Variants in PAK6 observed in about 807,000 individuals in gnomAD.
PAK6 encodes p21 (RAC1) activated kinase 6.
PAK6 carries 33 observed loss-of-function variants against 60.8 expected under a neutral mutation model. The ratio of observed to expected loss-of-function variants is 0.54; its 90% CI spans 0.41 to 0.73. PAK6 has a LOEUF of 0.73. PAK6 is among the 30% of genes least tolerant of loss of function. The pLI is 0.00. For missense variants in PAK6, 845 were observed against 904.1 expected (o/e 0.93, Z 0.84); for synonymous variants, 404 against 378.5 (o/e 1.07, Z -0.78).
At chr15:40,245,387 A>C (rs530622762) in intron 2 of PAK6, 1 of 152,398 alleles carries the variant, frequency 6.6e-6, no homozygotes, top group East Asian at 1.9e-4. Context: ...CAGCAGCAGC[A>C]GAGTTAAAAC....
chr15:40,266,617 G>A (rs912593258), intron 5 of PAK6, 122 bp downstream of exon 5: 47 of 976,894 alleles, frequency 4.8e-5, no homozygotes, highest in Non-Finnish European at 6.0e-5. Flanking sequence ...CGCCTAAGGC[G>A]GCAGAAATGT....
At chr15:40,248,995 G>A (rs998219547) in intron 2 of PAK6, among the ~76,000 whole-genome samples, 1 of 152,180 alleles carries the variant, frequency 6.6e-6, no homozygotes, top group Non-Finnish European at 1.5e-5. Context: ...ATGGACTGGT[G>A]GCTTATAAAC....
chr15:40,273,223 T>C, intron 7 of PAK6, 123 bp from the exon 8 acceptor site: 2 of 1,283,252 alleles, frequency 1.6e-6, no homozygotes, highest in Admixed American at 4.3e-5. Flanking sequence ...CTGACTGTGC[T>C]GCCAAACAGA....
intron 2 of PAK6, among the ~76,000 whole-genome samples, chr15:40,248,184 G>A (rs926913803): frequency 4.6e-5 from 7 of 152,182 alleles, no homozygotes; most frequent in African/African-American, 1.4e-4. Context: ...CTCCTGCCTG[G>A]GGACCCCAAG....
chr15:40,274,467 C>T (rs979292483), intron 10 of PAK6, among the ~76,000 whole-genome samples, 191 bp downstream of exon 10: 5 of 152,228 alleles, frequency 3.3e-5, no homozygotes, highest in African/African-American at 7.2e-5. Context: ...TTCGCATGTG[C>T]GCTCCGACAA....
At chr15:40,244,186 C>G (rs998198367) in intron 2 of PAK6, among the ~76,000 whole-genome samples, 1 of 151,874 alleles carries the variant, frequency 6.6e-6, no homozygotes, top group African/African-American at 2.4e-5. Context: ...AAAAAATTAG[C>G]TGGACGTGGT....
At chr15:40,274,342 C>T (rs2039390975) in intron 10 of PAK6, 66 bp downstream of exon 10, 1 of 1,490,618 alleles carries the variant, frequency 6.7e-7, no homozygotes, top group African/African-American at 1.4e-5. Flanking sequence ...GGACCAGAAC[C>T]TGGGCTCCCA....
chr15:40,243,220 A>G (rs12443488), intron 2 of PAK6, among the ~76,000 whole-genome samples: 93,825 of 152,108 alleles, frequency 0.62, 29,044 homozygotes, highest in African/African-American at 0.63. Context: ...AATGACAAAC[A>G]AAGGAAGAAG....
At chr15:40,273,836 A>C (rs577068747) in intron 9 of PAK6, 160 bp downstream of exon 9, 2 of 893,568 alleles carry the variant, frequency 2.2e-6, no homozygotes, top group African/African-American at 1.7e-5. Context: ...GCTCTTACCC[A>C]GTGACTTTGC....
chr15:40,262,879 T>C (rs2039019425), intron 3 of PAK6, among the ~76,000 whole-genome samples: 1 of 125,448 alleles, frequency 8.0e-6, no homozygotes, highest in African/African-American at 3.4e-5. Context: ...TCAAAATCTC[T>C]CCAAATTATT....
intron 2 of PAK6, among the ~76,000 whole-genome samples, chr15:40,244,521 C>G (rs2038446349): frequency 6.6e-6 from 1 of 151,814 alleles, no homozygotes; most frequent in African/African-American, 2.4e-5. Flanking sequence ...CCTCAGCCTC[C>G]CAAGTAGGTG....
At chr15:40,243,900 A>T (rs2038425985) in intron 2 of PAK6, among the ~76,000 whole-genome samples, 1 of 152,154 alleles carries the variant, frequency 6.6e-6, no homozygotes, top group Non-Finnish European at 1.5e-5. Flanking sequence ...CTTTTTTCAC[A>T]TGCTGGTCCT....
At chr15:40,273,067 G>C in intron 7 of PAK6, 68 bp downstream of exon 7, 1 of 1,573,970 alleles carries the variant, frequency 6.4e-7, no homozygotes, top group Non-Finnish European at 8.6e-7. Context: ...AGGGCAATGT[G>C]GTCTTCTGCC....
exon 11 of PAK6, chr15:40,277,253 T>C (rs932701981): frequency 6.6e-6 from 1 of 152,358 alleles, no homozygotes; most frequent in Non-Finnish European, 1.5e-5. Flanking sequence ...CCTGCCCCAC[T>C]TCAGGGCTGC....
At chr15:40,265,042 C>T (rs555493879) in intron 4 of PAK6, 53 bp downstream of exon 4, 52 of 1,536,050 alleles carry the variant, frequency 3.4e-5, no homozygotes, top group Non-Finnish European at 4.3e-5. Context: ...CTCAGACAAC[C>T]ATGCCTGGCT....
intron 3 of PAK6, chr15:40,258,881 G>C (rs758624468): frequency 3.0e-5 from 4 of 131,552 alleles, no homozygotes; most frequent in Non-Finnish European, 7.1e-5. Flanking sequence ...GTTCAAAGCA[G>C]TCCTCACACA....
At chr15:40,268,197 A>C (rs1408147172) in intron 5 of PAK6, among the ~76,000 whole-genome samples, 3 of 152,132 alleles carry the variant, frequency 2.0e-5, no homozygotes, top group Non-Finnish European at 4.4e-5. Flanking sequence ...ACATCTTTCA[A>C]GATTTCTACT....
At chr15:40,275,044 A>C (rs2039410278) in intron 10 of PAK6, among the ~76,000 whole-genome samples, 1 of 152,176 alleles carries the variant, frequency 6.6e-6, no homozygotes, top group South Asian at 2.1e-4. Flanking sequence ...CCGCACCGCT[A>C]ACCCCAAAAT....
intron 2 of PAK6, among the ~76,000 whole-genome samples, chr15:40,244,204 G>A (rs190276850): frequency 1.3e-5 from 2 of 151,630 alleles, no homozygotes; most frequent in Non-Finnish European, 2.9e-5. Context: ...GGTGGCGCGT[G>A]CCTGTAGTCC....
Sources: gnomAD v4.1 joint callset for allele counts (sites outside exome capture counted in the v4.1 genomes callset) on GRCh38, gnomAD v4.1.1 for gene constraint, MANE v1.5 for transcripts, NCBI Gene and HGNC (gene_info 2026-07-23, HGNC 2026-07-21) for gene names.